Variants in ADIPOR2 observed in about 807,000 individuals in gnomAD.
ADIPOR2 encodes the protein adiponectin receptor 2.
ADIPOR2 carries 18 observed loss-of-function variants against 40.9 expected under a neutral mutation model. The observed-to-expected ratio is 0.44, with a 90% confidence interval of 0.30 to 0.65. The LOEUF is 0.65. ADIPOR2 is among the 30% of genes least tolerant of loss of function. ADIPOR2 has a pLI of 0.09. For missense variants in ADIPOR2, 283 were observed against 479.2 expected (o/e 0.59, Z 3.82); for synonymous variants, 165 against 166.4 (o/e 0.99, Z 0.06).
At chr12:1,703,221 A>AGGCCGGGCGCGGTGGCTCACGCCTG (rs2094654103) in intron 1 of ADIPOR2, among the ~76,000 whole-genome samples, 1 of 152,238 alleles carries the variant, frequency 6.6e-6, no homozygotes, top group Non-Finnish European at 1.5e-5. Context: ...TGCCTACTAT[A>AGGCCGGGCGCGGTGGCTCACGCCTG]TACTAGTTAA....
At chr12:1,766,764 C>T (rs1274890663) in intron 2 of ADIPOR2, among the ~76,000 whole-genome samples, 1 of 152,122 alleles carries the variant, frequency 6.6e-6, no homozygotes, top group Non-Finnish European at 1.5e-5. Flanking sequence ...TTATGGTTGT[C>T]CTACTTTTCT....
intron 1 of ADIPOR2, among the ~76,000 whole-genome samples, chr12:1,750,210 G>T (rs2094766039): frequency 6.6e-6 from 1 of 152,218 alleles, no homozygotes; most frequent in South Asian, 2.1e-4. Context: ...TGGAGCAGTT[G>T]TAAATGGTAT....
chr12:1,711,517 T>G (rs1377196714), intron 1 of ADIPOR2, among the ~76,000 whole-genome samples: 3 of 152,060 alleles, frequency 2.0e-5, no homozygotes, highest in African/African-American at 7.3e-5. Flanking sequence ...GAATATGCCT[T>G]GGCTGGGTAG....
At chr12:1,728,274 G>A (rs1443018053) in intron 1 of ADIPOR2, among the ~76,000 whole-genome samples, 11 of 151,522 alleles carry the variant, frequency 7.3e-5, no homozygotes, top group African/African-American at 9.7e-5. Context: ...CACCACGCCC[G>A]GCTAATTTTT....
chr12:1,734,775 T>C (rs1047101297), intron 1 of ADIPOR2, among the ~76,000 whole-genome samples: 2 of 152,240 alleles, frequency 1.3e-5, no homozygotes, highest in African/African-American at 4.8e-5. Context: ...GAATTAATTT[T>C]TGTATAAGGT....
chr12:1,715,773 A>G (rs1302169530), intron 1 of ADIPOR2, among the ~76,000 whole-genome samples: 4 of 152,128 alleles, frequency 2.6e-5, no homozygotes, highest in Non-Finnish European at 5.9e-5. Flanking sequence ...AGGATTGTAA[A>G]ATGCGCCAGT....
chr12:1,763,751 G>A (rs1206883203), intron 2 of ADIPOR2, among the ~76,000 whole-genome samples: 3 of 152,166 alleles, frequency 2.0e-5, no homozygotes, highest in African/African-American at 7.2e-5. Context: ...GGCTGAGGCG[G>A]GCAGATCGCT....
chr12:1,775,383 C>T (rs140812542), intron 3 of ADIPOR2, among the ~76,000 whole-genome samples: 108 of 152,312 alleles, frequency 7.1e-4, no homozygotes, highest in Non-Finnish European at 1.2e-3. Flanking sequence ...TTGAATGTGT[C>T]ACTAATTGCA....
intron 1 of ADIPOR2, chr12:1,697,611 T>C (rs1270468232): frequency 6.6e-6 from 1 of 152,404 alleles, no homozygotes; most frequent in South Asian, 2.1e-4. Context: ...TTTACAGTTA[T>C]ATTCTTGCTA....
Position 1,786,219 on chromosome 12 carries a change from G to A in ADIPOR2, c.*147G>A. On this transcript the variant is annotated 3_prime_UTR_variant, in exon 8 of 8. Coordinates refer to ENST00000357103, the MANE Select transcript of ADIPOR2 (RefSeq NM_024551.3). ...TGTGACGGCCCAGTGGCTCTGCGTG[G>A]TACATGACTGAGAAGAGAAAAACAA... 2 of 998,838 alleles carry A rather than the reference G, an allele frequency of 2.0e-6. No individual in the cohort carries two copies. The highest frequency in any genetic ancestry group is 2.9e-6 in the Non-Finnish European group (2 of 694,328). 61.9% of individuals were successfully genotyped at this position (998,838 alleles called of 1,614,324 possible). A position where few individuals can be genotyped will look rare whatever the true frequency, so the allele number is the denominator to read the frequency against.
In ADIPOR2 at chr12:1,772,931, T is replaced by A; in HGVS notation, c.261T>A (p.Ala87=). ...GMSPLLQAHH[A]MEKMEEFVCK... is the part of the protein sequence containing the mutation. The stretch of plus-strand genomic sequence containing the variant: ...CCCCTCTCTTACAAGCCCATCATGC[T>A]ATGGAAAAAATGGAAGAATTTGTTT... The change falls in exon 3 of 8, where the codon GCT becomes GCA. Residue 87 remains alanine (A), a synonymous_variant. Transcript: ENST00000357103. The A allele has an allele frequency of 1.2e-6, 2 of 1,613,568 alleles. No homozygotes were observed. The highest frequency in any genetic ancestry group is 1.7e-6 in the Non-Finnish European group (2 of 1,179,742).
chr12:1,729,631 T>G (rs2094715713), intron 1 of ADIPOR2, among the ~76,000 whole-genome samples: 1 of 44,054 alleles, frequency 2.3e-5, no homozygotes. Flanking sequence ...TTTTTTTTTT[T>G]TTTTTTTTTT....
intron 1 of ADIPOR2, among the ~76,000 whole-genome samples, chr12:1,752,056 C>T (rs1261153578): frequency 6.8e-6 from 1 of 146,110 alleles, no homozygotes; most frequent in Non-Finnish European, 1.5e-5. Flanking sequence ...TACAGGCATG[C>T]GCCACCACAC....
At chr12:1,761,542 A>G (rs192882393) in intron 2 of ADIPOR2, among the ~76,000 whole-genome samples, 3 of 152,328 alleles carry the variant, frequency 2.0e-5, no homozygotes, top group African/African-American at 7.2e-5. Flanking sequence ...TATTTTGAAT[A>G]TAACTATCCT....
intron 1 of ADIPOR2, among the ~76,000 whole-genome samples, chr12:1,732,371 G>A (rs938726557): frequency 1.3e-5 from 2 of 152,032 alleles, no homozygotes; most frequent in Admixed American, 1.3e-4. Flanking sequence ...CCTTAGTTTT[G>A]TCTTTTCCAA....
At chr12:1,765,233 C>A (rs373814558) in intron 2 of ADIPOR2, among the ~76,000 whole-genome samples, 34 of 152,242 alleles carry the variant, frequency 2.2e-4, no homozygotes, top group Non-Finnish European at 4.1e-4. Flanking sequence ...ATTCACGCAG[C>A]ACCTACATGA....
intron 1 of ADIPOR2, among the ~76,000 whole-genome samples, chr12:1,738,108 C>T (rs770261218): frequency 6.7e-6 from 1 of 148,460 alleles, no homozygotes; most frequent in Non-Finnish European, 1.5e-5. Context: ...TGTGGTAGCT[C>T]TTGCCTGTAG....
chr12:1,756,440 G>A (rs1025582445), intron 2 of ADIPOR2, among the ~76,000 whole-genome samples: 1 of 148,540 alleles, frequency 6.7e-6, no homozygotes, highest in African/African-American at 2.5e-5. Flanking sequence ...GTGAGCCACT[G>A]TGCCTGGCCT....
At chr12:1,731,639 C>T (rs752690796) in intron 1 of ADIPOR2, among the ~76,000 whole-genome samples, 18 of 152,140 alleles carry the variant, frequency 1.2e-4, no homozygotes, top group South Asian at 2.1e-4. Context: ...TTTCACATAG[C>T]GTACATGTTA....
Sources: gnomAD v4.1 joint callset for allele counts (sites outside exome capture counted in the v4.1 genomes callset) on GRCh38, gnomAD v4.1.1 for gene constraint, MANE v1.5 for transcripts, NCBI Gene and HGNC (gene_info 2026-07-23, HGNC 2026-07-21) for gene names.